The following NKX2-2 variants were observed in gnomAD, a reference collection of about 807,000 sequenced individuals.
The protein encoded by NKX2-2 is homeobox protein Nkx-2.2.
Under a neutral mutation model 24.6 loss-of-function variants are expected in NKX2-2, and 8 were observed. The ratio of observed to expected loss-of-function variants is 0.32; its 90% confidence interval spans 0.19 to 0.59. The LOEUF (loss-of-function observed/expected upper bound fraction) is 0.59. Ranked by LOEUF, NKX2-2 falls within the 20% of genes least tolerant of loss-of-function variation. The probability of loss-of-function intolerance (pLI) is 0.86; values close to 1 mark genes in which losing one functional copy is unlikely to be tolerated. For missense variants in NKX2-2, 381 were observed against 373.9 expected (o/e 1.02, Z -0.16); for synonymous variants, 217 against 173.3 (o/e 1.25, Z -1.98).
Position 21,512,374 on chromosome 20 carries a change from TC to T in NKX2-2, c.370del (p.Asp124ThrfsTer60), listed in dbSNP as rs752776917. 5.6e-6 allele frequency: 9 copies of T among 1,602,852 alleles called. No homozygotes were observed. Among genetic ancestry groups the T allele is most frequent in the Admixed American group, 3.4e-5 (2 of 58,236 alleles). On this transcript the variant is annotated frameshift_variant, in exon 2 of 2. Coordinates refer to ENST00000377142, the MANE Select transcript of NKX2-2 (RefSeq NM_002509.4). LOFTEE classifies it high-confidence loss of function. ...TCGCCGCTTTCGCTTCTTGCCGGCG[TC>T]CCCCCCGCCGCCCGGGGTCTCCTTG... ...NDKETPGGGGDAGKKRKRRVL... is the reference protein window; with the variant it reads ...NDKETPGGGGXAGKKRKRRVL...
At chr20:21,512,512 G>A (rs773785561) in intron 1 of NKX2-2, 27 bp from the exon 2 acceptor site, 3 of 1,499,422 alleles carry the variant, frequency 2.0e-6, no homozygotes, top group African/African-American at 2.7e-5. Context: ...AGAGAAGCGC[G>A]TCAGGCGTCT....
At position 21,512,255 on chromosome 20, in the gene NKX2-2, G is replaced by C. The variant is rs1980463171; in HGVS notation, c.490C>G (p.Leu164Val). The change falls in exon 2 of 2, where the codon CTC becomes GTC. Residue 164 changes from leucine to valine, a missense_variant. Transcript: ENST00000377142. ...SAPEREHLAS[L>V]IRLTPTQVKI... ...ACCTGCGTGGGCGTGAGGCGGATGA[G>C]GCTGGCCAGGTGTTCGCGCTCGGGC... is the stretch of plus-strand genomic sequence containing the variant. The C allele has an allele frequency of 1.2e-6, 2 of 1,613,840 alleles. No homozygotes were observed.
rs769921145 is a variant in NKX2-2 at position 21,513,516 on chromosome 20, C to A, written c.154G>T (p.Ala52Ser). ...GGCAGGCTCTGCACCGCGTCCAGGG[C>A]GCCCTGCCCCAGCGGCCCGGCCCTC... is the stretch of plus-strand genomic sequence containing the variant. ...AKRAGPLGQG[A>S]LDAVQSLPLK... The change falls in exon 1 of 2, where the codon GCC becomes TCC. Residue 52 changes from alanine to serine, a missense_variant. Physicochemically the swap from Ala to Ser is moderately conservative, Grantham distance 99. Coordinates refer to ENST00000377142, the MANE Select transcript of NKX2-2 (RefSeq NM_002509.4). This position sits in a 1 kb window ranked among gnomAD's most constrained non-coding sequence, Gnocchi z 4.6. 4.3e-6 allele frequency: 7 copies of A among 1,612,926 alleles called. No homozygotes were observed. In the African/African-American group the frequency reaches 5.3e-5, roughly 12 times the overall value.
At position 21,512,203 on chromosome 20, in the gene NKX2-2, T is replaced by C. The variant is rs1568636803; in HGVS notation, c.542A>G (p.Tyr181Cys). Residue 181 changes from tyrosine to cysteine, a missense_variant, in exon 2 of 2, where the codon TAC becomes TGC. Physicochemically the swap from Tyr to Cys is radical, Grantham distance 194. This residue lies in a region of NKX2-2 where 36 missense variants were observed against 79.2 expected (regional missense o/e 0.45). Transcript: ENST00000377142. ...QVKIWFQNHR[Y>C]KMKRARAEKG... ...CTCGGCCCGGGCGCGCTTCATCTTG[T>C]AGCGGTGGTTCTGGAACCAGATCTT... is the stretch of plus-strand genomic sequence containing the variant. 3 of 1,613,862 alleles carry C rather than the reference T, an allele frequency of 1.9e-6. No homozygotes were observed. Among genetic ancestry groups the C allele is most frequent in the Non-Finnish European group, 2.5e-6 (3 of 1,179,936 alleles).
chr20:21,515,266 C>CGGGGGT (rs1003206511), upstream of NKX2-2, among the ~76,000 whole-genome samples: 1 of 41,542 alleles, frequency 2.4e-5, no homozygotes, highest in African/African-American at 9.1e-5. Context: ...GGCGGGATTG[C>CGGGGGT]GGGGGTGGGG....
the NKX2-2 span, among the ~76,000 whole-genome samples, chr20:21,520,913 A>C: frequency 6.6e-6 from 1 of 152,224 alleles, no homozygotes; most frequent in African/African-American, 2.4e-5. Flanking sequence ...CACGCGCTGA[A>C]AGCACTCTCT....
chr20:21,512,337 G>A lies in NKX2-2; in HGVS notation c.408C>T (p.Ser136=). The change falls in exon 2 of 2, where the codon TCC becomes TCT. Residue 136 remains serine (S), a synonymous_variant. Coordinates refer to ENST00000377142, the MANE Select transcript of NKX2-2 (RefSeq NM_002509.4). The stretch of plus-strand genomic sequence containing the variant: ...GCTCCAGCTCGTAGGTCTGCGCCTT[G>A]GAGAAAAGCACTCGCCGCTTTCGCT... The part of the protein sequence containing the change: ...GKKRKRRVLF[S]KAQTYELERR... 2 of 1,612,854 alleles carry A rather than the reference G, an allele frequency of 1.2e-6. No homozygotes were observed. The highest frequency in any genetic ancestry group is 1.7e-6 in the Non-Finnish European group (2 of 1,179,640).
In NKX2-2 at chr20:21,511,857, TC is replaced by T. The variant is rs1287219394; in HGVS notation, c.*65del. On this transcript the variant is annotated 3_prime_UTR_variant, in exon 2 of 2. Coordinates refer to ENST00000377142, the MANE Select transcript of NKX2-2 (RefSeq NM_002509.4). ...AATAACCACCATAAGGACCGAGGCC[TC>T]CTCGCCGCCACCGCCGCCGGGGTGG... 3 of 1,312,768 alleles carry T rather than the reference TC, an allele frequency of 2.3e-6. No individual in the cohort carries two copies. Among genetic ancestry groups the T allele is most frequent in the Non-Finnish European group, 3.1e-6 (3 of 962,470 alleles). 81.3% of individuals were successfully genotyped at this position (1,312,768 alleles called of 1,614,324 possible).
chr20:21,517,176 C>A (rs76488987), upstream of NKX2-2, among the ~76,000 whole-genome samples: 214 of 152,320 alleles, frequency 1.4e-3, 1 homozygote, highest in Non-Finnish European at 2.3e-3. Context: ...CCTCAATGAC[C>A]AGCCGAATCC....
chr20:21,518,646 G>T (rs1020197152), upstream of NKX2-2, among the ~76,000 whole-genome samples: 2 of 152,218 alleles, frequency 1.3e-5, no homozygotes, highest in Admixed American at 6.5e-5. Flanking sequence ...GCTCAAACAC[G>T]AGCGCCTTTT....
At position 21,512,186 on chromosome 20, in the gene NKX2-2, G is replaced by T; in HGVS notation, c.559C>A (p.Arg187=). 6.2e-7 allele frequency: 1 copy of T among 1,613,934 alleles called. No individual in the cohort carries two copies. Among genetic ancestry groups the T allele is most frequent in the Non-Finnish European group, 8.5e-7 (1 of 1,179,938 alleles). The change falls in exon 2 of 2, where the codon CGG becomes AGG. Residue 187 remains arginine (R), a synonymous_variant. Coordinates refer to ENST00000377142, the MANE Select transcript of NKX2-2 (RefSeq NM_002509.4). ...GTCACCTCCATACCTTTCTCGGCCC[G>T]GGCGCGCTTCATCTTGTAGCGGTGG... ...QNHRYKMKRA[R]AEKGMEVTPL...
rs1487039644 is a variant in NKX2-2 at position 21,513,583 on chromosome 20, G to C, written c.87C>G (p.Ala29=). The change falls in exon 1 of 2, where the codon GCC becomes GCG. Residue 29 remains alanine (A), a synonymous_variant. Transcript: ENST00000377142. The surrounding 1 kb of genome is among the most constrained non-coding windows in gnomAD (Gnocchi z 4.6). ...PDTNDEEGSV[A]EGPEEENEGP... is the part of the protein sequence containing the mutation. ...CCTCGTTCTCTTCCTCCGGACCTTC[G>C]GCCACAGAGCCCTCCTCATCGTTGG... The C allele has an allele frequency of 6.2e-7, 1 of 1,613,364 alleles. No individual in the cohort carries two copies. Among genetic ancestry groups the C allele is most frequent in the Non-Finnish European group, 8.5e-7 (1 of 1,179,740 alleles).
rs1249735569 is a variant in NKX2-2, at chr20:21,511,164, C to T, written c.*759G>A. 6.6e-6 allele frequency: 1 copy of T among 152,648 alleles called. No homozygotes were observed. The highest frequency in any genetic ancestry group is 2.4e-5 in the African/African-American group (1 of 41,456). 9.5% of individuals were successfully genotyped at this position (152,648 alleles called of 1,614,324 possible). A position where few individuals can be genotyped will look rare whatever the true frequency, so the allele number is the denominator to read the frequency against. ...GGCCCGGAGGACAGGGCAGAGGGCT[C>T]CCTGCCTACAGGGTTTTCTTTTCCA... is the stretch of plus-strand genomic sequence containing the variant. On this transcript the variant is annotated 3_prime_UTR_variant, in exon 2 of 2. Transcript: ENST00000377142.
upstream of NKX2-2, among the ~76,000 whole-genome samples, chr20:21,516,793 T>C (rs988597550): frequency 7.9e-5 from 12 of 152,062 alleles, no homozygotes; most frequent in Admixed American, 4.6e-4. Flanking sequence ...GCAAGTGTCG[T>C]TTCTCGCATA....
At chr20:21,522,679 A>T in the NKX2-2 span, among the ~76,000 whole-genome samples, 1 of 151,344 alleles carries the variant, frequency 6.6e-6, no homozygotes, top group African/African-American at 2.4e-5. Context: ...CGGCGGCTCG[A>T]CGCGGCCGGC....
At chr20:21,521,780 G>C in the NKX2-2 span, among the ~76,000 whole-genome samples, 2 of 151,878 alleles carry the variant, frequency 1.3e-5, no homozygotes, top group African/African-American at 4.8e-5. Context: ...CAATCGGGAG[G>C]GAGCTAGCCA....
At chr20:21,518,597 T>A (rs1980697966), upstream of NKX2-2, among the ~76,000 whole-genome samples, 2 of 152,218 alleles carry the variant, frequency 1.3e-5, no homozygotes, top group Non-Finnish European at 1.5e-5. Context: ...AGTGGCCCTC[T>A]AAGTCGGCTC....
upstream of NKX2-2, among the ~76,000 whole-genome samples, chr20:21,517,899 C>G (rs1054303380): frequency 6.6e-6 from 1 of 152,216 alleles, no homozygotes; most frequent in Non-Finnish European, 1.5e-5. Context: ...CTCCCTTCCC[C>G]CTCCGGAGGG....
At position 21,513,320 on chromosome 20, in the gene NKX2-2, C is replaced by A. The variant is rs1258248827; in HGVS notation, c.259+91G>T. 6.5e-6 allele frequency: 9 copies of A among 1,384,712 alleles called. No homozygotes were observed. Among genetic ancestry groups the A allele is most frequent in the South Asian group, 1.6e-5 (1 of 63,122 alleles). The allele number at this position is 1,384,712 out of a possible 1,614,324, so 85.8% of individuals were successfully genotyped here. A position where few individuals can be genotyped will look rare whatever the true frequency, so the allele number is the denominator to read the frequency against. ...GTGAGGGGGTCCGGGCTTACATGGC[C>A]CCTTCCCCTTTCACTCCCAGCGTCC... is the stretch of plus-strand genomic sequence containing the variant. On this transcript the variant is annotated intron_variant, in intron 1 of 1. Transcript: ENST00000377142. This position sits in a 1 kb window ranked among gnomAD's most constrained non-coding sequence, Gnocchi z 4.6.
Sources: gnomAD v4.1 joint callset for allele counts (sites outside exome capture counted in the v4.1 genomes callset) on GRCh38, gnomAD v4.1.1 for gene constraint, gnomAD v4.1.1 regional missense constraint, Gnocchi (gnomAD v3.1) non-coding constraint, MANE v1.5 for transcripts, NCBI Gene and HGNC (gene_info 2026-07-23, HGNC 2026-07-21) for gene names.